SYT9: variants seen among roughly 807,000 people sequenced by gnomAD.
SYT9 encodes the protein synaptotagmin-9.
A neutral mutation model predicts 48.4 loss-of-function variants in SYT9; 22 were observed. The observed-to-expected ratio is 0.45, with a 90% confidence interval of 0.32 to 0.65. The LOEUF (loss-of-function observed/expected upper bound fraction) is 0.65. SYT9 is among the 30% of genes least tolerant of loss of function. The probability of loss-of-function intolerance (pLI) is 0.03; values close to 1 mark genes in which losing one functional copy is unlikely to be tolerated. For synonymous variants in SYT9, 265 were observed against 245.0 expected, an observed-to-expected ratio of 1.08 and a Z score of -0.76; for missense variants, 577 against 622.0, an observed-to-expected ratio of 0.93 and a Z score of 0.77.
chr11:7,401,730 C>T (rs970044987), intron 3 of SYT9, among the ~76,000 whole-genome samples: 1 of 151,682 alleles, frequency 6.6e-6, no homozygotes, highest in Non-Finnish European at 1.5e-5. Context: ...TACAGATTTA[C>T]AGACTTCCAT....
At chr11:7,353,921 A>G (rs533023502) in intron 3 of SYT9, among the ~76,000 whole-genome samples, 1 of 152,232 alleles carries the variant, frequency 6.6e-6, no homozygotes, top group Non-Finnish European at 1.5e-5. Flanking sequence ...TAAGATAAAG[A>G]TGAAATATTG....
At chr11:7,275,166 C>T (rs561957634) in intron 1 of SYT9, among the ~76,000 whole-genome samples, 191 of 152,242 alleles carry the variant, frequency 1.3e-3, no homozygotes, top group Middle Eastern at 3.4e-3. Flanking sequence ...CCTGCTCCAG[C>T]AGATTCTCCC....
intron 3 of SYT9, among the ~76,000 whole-genome samples, chr11:7,331,601 A>G (rs1342759102): frequency 6.6e-6 from 1 of 152,084 alleles, no homozygotes; most frequent in African/African-American, 2.4e-5. Flanking sequence ...GCGGGTGCCT[A>G]TAGTCCCACC....
At position 7,358,508 on chromosome 11, in the gene SYT9, G is replaced by A. The variant is rs1194104666; in HGVS notation, c.1044+44567G>A. Reference sequence around the variant, plus strand: ...ACAATATTCTACAGAAATGGGGCAAGCAAGTATTCTTGTCTTGTTCTTAAA... The same window carrying A: ...ACAATATTCTACAGAAATGGGGCAAACAAGTATTCTTGTCTTGTTCTTAAA... On this transcript the variant is annotated intron_variant, in intron 3 of 6. Transcript: ENST00000318881. 3.3e-5 allele frequency among the ~76,000 whole-genome samples: 5 copies of A among 152,128 alleles called. No individual in the cohort carries two copies. In the South Asian group the frequency reaches 1.0e-3, roughly 32 times the overall value.
chr11:7,381,328 G>A (rs1427954299), intron 3 of SYT9, among the ~76,000 whole-genome samples: 1 of 152,166 alleles, frequency 6.6e-6, no homozygotes, highest in African/African-American at 2.4e-5. Flanking sequence ...ATGATTTTTA[G>A]GGGTTCAGAA....
At chr11:7,409,275 T>G (rs1394609157) in intron 3 of SYT9, among the ~76,000 whole-genome samples, 2 of 152,190 alleles carry the variant, frequency 1.3e-5, no homozygotes, top group Non-Finnish European at 2.9e-5. Context: ...TATATTATCT[T>G]TTTGATGTGT....
At chr11:7,362,949 CTTTTTTTTTTTTTTTTTT>C (rs35065184) in intron 3 of SYT9, among the ~76,000 whole-genome samples, 1 of 17,880 alleles carries the variant, frequency 5.6e-5, no homozygotes, top group Non-Finnish European at 1.1e-4. Context: ...ATTTATTGGC[CTTTTTTTTTTTTTTTTTT>C]TTTTTTTTTT....
chr11:7,428,261 A>G (rs1017075193), intron 6 of SYT9, among the ~76,000 whole-genome samples: 7 of 152,230 alleles, frequency 4.6e-5, no homozygotes, highest in Non-Finnish European at 7.3e-5. Context: ...CTCTCCTGTC[A>G]TTACAGATGA....
At chr11:7,405,093 A>G (rs1846978246) in intron 3 of SYT9, among the ~76,000 whole-genome samples, 1 of 74,934 alleles carries the variant, frequency 1.3e-5, no homozygotes, top group African/African-American at 4.8e-5. Context: ...TGTCAAGGTT[A>G]AAAAAAAAAA....
At chr11:7,345,644 G>A (rs865904319) in intron 3 of SYT9, among the ~76,000 whole-genome samples, 1 of 152,144 alleles carries the variant, frequency 6.6e-6, no homozygotes, top group Non-Finnish European at 1.5e-5. Context: ...TATTCAGTTT[G>A]TGCTACCTGT....
chr11:7,459,161 T>G (rs1462488233), intron 6 of SYT9, among the ~76,000 whole-genome samples: 1 of 152,216 alleles, frequency 6.6e-6, no homozygotes, highest in Non-Finnish European at 1.5e-5. Flanking sequence ...AGAGCTGCCA[T>G]TAAGTGAGCT....
At chr11:7,286,409 G>A (rs565518181) in intron 1 of SYT9, among the ~76,000 whole-genome samples, 10 of 152,288 alleles carry the variant, frequency 6.6e-5, no homozygotes, top group Admixed American at 2.0e-4. Flanking sequence ...CAGCAGGGGG[G>A]GCCCAGGACC....
In SYT9 at chr11:7,313,602, G is replaced by A; in HGVS notation, c.705G>A (p.Glu235=). Residue 235 remains glutamate (E), a synonymous_variant, in exon 3 of 7, where the codon GAG becomes GAA. Transcript: ENST00000318881. ...NFILKYDCDL[E]QLIVKIHKAV... is the part of the protein sequence containing the mutation. ...TTTTAAAATATGACTGTGACTTAGA[G>A]CAGCTCATAGTGAAGATTCACAAAG... The A allele has an allele frequency of 1.9e-6, 3 of 1,614,154 alleles. No homozygotes were observed. Among genetic ancestry groups the A allele is most frequent in the Non-Finnish European group, 2.5e-6 (3 of 1,180,020 alleles).
intron 3 of SYT9, among the ~76,000 whole-genome samples, chr11:7,342,008 G>T (rs1474252847): frequency 1.3e-5 from 2 of 152,192 alleles, no homozygotes; most frequent in Admixed American, 1.3e-4. Context: ...CAGATCTCAT[G>T]CAACTTATTC....
chr11:7,351,585 C>T (rs1564872717), intron 3 of SYT9, among the ~76,000 whole-genome samples: 1 of 152,208 alleles, frequency 6.6e-6, no homozygotes, highest in Non-Finnish European at 1.5e-5. Flanking sequence ...ACCACACCAG[C>T]ATCTTCAATA....
At chr11:7,411,107 G>A (rs971446596) in intron 3 of SYT9, among the ~76,000 whole-genome samples, 2 of 152,130 alleles carry the variant, frequency 1.3e-5, no homozygotes, top group Non-Finnish European at 2.9e-5. Flanking sequence ...CACCTGCCTC[G>A]GCATCCCAAA....
intron 1 of SYT9, among the ~76,000 whole-genome samples, chr11:7,270,277 C>T (rs912320004): frequency 1.3e-5 from 2 of 152,158 alleles, no homozygotes; most frequent in African/African-American, 4.8e-5. Flanking sequence ...TCTCTCCCCT[C>T]AAGGGCACAT....
At position 7,252,129 on chromosome 11, in the gene SYT9, G is replaced by T; in HGVS notation, c.-58G>T. 7.4e-7 allele frequency: 1 copy of T among 1,352,524 alleles called. No individual in the cohort carries two copies. The allele number at this position is 1,352,524 out of a possible 1,614,324, so 83.8% of individuals were successfully genotyped here. A position where few individuals can be genotyped will look rare whatever the true frequency, so the allele number is the denominator to read the frequency against. The stretch of plus-strand genomic sequence containing the variant: ...GGAGGCGGCGGCTCTGAGCTGGCAG[G>T]CGGAGGGCTGTCTCCTGCGCCCGCC... On this transcript the variant is annotated 5_prime_UTR_variant, in exon 1 of 7. Coordinates refer to ENST00000318881, the MANE Select transcript of SYT9 (RefSeq NM_175733.4). This position sits in a 1 kb window ranked among gnomAD's most constrained non-coding sequence, Gnocchi z 6.3.
At chr11:7,352,168 A>T (rs1334493799) in intron 3 of SYT9, among the ~76,000 whole-genome samples, 1 of 152,212 alleles carries the variant, frequency 6.6e-6, no homozygotes, top group African/African-American at 2.4e-5. Context: ...GTGTAGCTCA[A>T]TCTGCCTCAG....
Sources: gnomAD v4.1 joint callset for allele counts (sites outside exome capture counted in the v4.1 genomes callset) on GRCh38, gnomAD v4.1.1 for gene constraint, Gnocchi (gnomAD v3.1) non-coding constraint, MANE v1.5 for transcripts, NCBI Gene and HGNC (gene_info 2026-07-23, HGNC 2026-07-21) for gene names.